LRP12: variants seen among roughly 807,000 people sequenced by gnomAD.
The protein encoded by LRP12 is low-density lipoprotein receptor-related protein 12.
In LRP12, 14 loss-of-function variants were observed where a neutral mutation model predicts 66.0. That is an observed-to-expected ratio of 0.21 (90% CI 0.14 to 0.33). The LOEUF is 0.33. Among genes scored for constraint, LRP12 ranks in the 10% least tolerant of loss-of-function variants. The pLI, the probability that LRP12 is intolerant of heterozygous loss-of-function variation, is 1.00. For missense variants in LRP12, 889 were observed against 1,053.4 expected (o/e 0.84, Z 2.16); for synonymous variants, 357 against 359.1 (o/e 0.99, Z 0.07).
intron 2 of LRP12, among the ~76,000 whole-genome samples, chr8:104,519,893 A>C (rs77204605): frequency 6.6e-6 from 1 of 152,020 alleles, no homozygotes; most frequent in Non-Finnish European, 1.5e-5. Flanking sequence ...TTCTTTAAGG[A>C]CCAAAATATT....
chr8:104,533,557 T>C (rs945975734), intron 1 of LRP12, among the ~76,000 whole-genome samples: 6 of 152,144 alleles, frequency 3.9e-5, no homozygotes, highest in Admixed American at 2.0e-4. Flanking sequence ...CTGGCAAGGT[T>C]TGGGCTTAAA....
chr8:104,523,024 A>G (rs1811174655), intron 2 of LRP12, among the ~76,000 whole-genome samples: 1 of 152,176 alleles, frequency 6.6e-6, no homozygotes, highest in African/African-American at 2.4e-5. Flanking sequence ...GAGTCATTAA[A>G]TTATTTATGA....
intron 2 of LRP12, among the ~76,000 whole-genome samples, chr8:104,526,250 T>A (rs1811236247): frequency 1.3e-5 from 2 of 152,004 alleles, no homozygotes; most frequent in South Asian, 4.2e-4. Flanking sequence ...AAAATGGCCA[T>A]ACTGCCCAAG....
Position 104,490,993 on chromosome 8 carries a change from G to C in LRP12, c.2260C>G (p.Gln754Glu). ...LGRSSSLSQN[Q>E]SPLRQLDNGV... ...TTATCAAGTTGTCTCAAAGGACTCT[G>C]GTTCTGACTTAGGGAACTTGATCGT... Residue 754 changes from glutamine (Q) to glutamate (E), a missense_variant, in exon 7 of 7, where the codon CAG becomes GAG. Physicochemically the swap from Gln to Glu is conservative, Grantham distance 29 (BLOSUM62 2). Coordinates refer to ENST00000276654, the MANE Select transcript of LRP12 (RefSeq NM_013437.5). 2 of 1,614,024 alleles carry C rather than the reference G, an allele frequency of 1.2e-6. No individual in the cohort carries two copies. The highest frequency in any genetic ancestry group is 1.7e-6 in the Non-Finnish European group (2 of 1,180,028).
rs545944225 is a variant in LRP12, at chr8:104,587,731, T to TCAC, written c.79+1085_79+1087dup. On this transcript the variant is annotated intron_variant, in intron 1 of 6. Coordinates refer to ENST00000276654, the MANE Select transcript of LRP12 (RefSeq NM_013437.5). Reference sequence around the variant, plus strand: ...TGACAAATTGGCTGTTGACTAAACCTCACCACCACCACCATTATACTAGTC... The same window carrying TCAC: ...TGACAAATTGGCTGTTGACTAAACCTCACCACCACCACCACCATTATACTAGTC... Among the ~76,000 whole-genome samples, 757 of 152,300 alleles carry TCAC rather than the reference T, an allele frequency of 5.0e-3. 9 individuals are homozygous for TCAC. Among genetic ancestry groups the TCAC allele is most frequent in the African/African-American group, 0.017 (712 of 41,558 alleles).
chr8:104,547,681 T>C (rs1383402385), intron 1 of LRP12, among the ~76,000 whole-genome samples: 3 of 85,934 alleles, frequency 3.5e-5, no homozygotes, highest in Non-Finnish European at 6.1e-5. Context: ...TTATATTTTG[T>C]ATAATATAAA....
intron 1 of LRP12, among the ~76,000 whole-genome samples, chr8:104,562,994 T>C (rs1811937778): frequency 6.6e-6 from 1 of 152,184 alleles, no homozygotes; most frequent in African/African-American, 2.4e-5. Context: ...TTAATCAGCT[T>C]GCTTTTGAGC....
rs763444322 is a variant in LRP12 at position 104,490,878 on chromosome 8, G to A, written c.2375C>T (p.Ser792Phe). 1 of 1,614,092 alleles carries A rather than the reference G, an allele frequency of 6.2e-7. No homozygotes were observed. Among genetic ancestry groups the A allele is most frequent in the African/African-American group, 1.3e-5 (1 of 75,018 alleles). Reference protein sequence around the residue: ...GSSDFDVNDCSRPLLDLASDQ... With the variant: ...GSSDFDVNDCFRPLLDLASDQ... ...TGAGGCAAGATCAAGAAGAGGTCTG[G>A]AGCAGTCATTCACATCAAAGTCTGA... The change falls in exon 7 of 7, where the codon TCC becomes TTC. Residue 792 changes from serine to phenylalanine, a missense_variant. Physicochemically the swap from Ser to Phe is radical, Grantham distance 155. Transcript: ENST00000276654.
intron 2 of LRP12, among the ~76,000 whole-genome samples, chr8:104,515,459 CCTTT>C (rs1811061274): frequency 6.6e-6 from 1 of 152,132 alleles, no homozygotes; most frequent in Admixed American, 6.5e-5. Flanking sequence ...ATAGAAGCTG[CCTTT>C]CTTTATTGCA....
At chr8:104,548,236 T>A (rs1212874094) in intron 1 of LRP12, among the ~76,000 whole-genome samples, 8 of 101,616 alleles carry the variant, frequency 7.9e-5, no homozygotes, top group African/African-American at 9.0e-5. Flanking sequence ...ATATTTATAT[T>A]AATATACGAT....
intron 3 of LRP12, 164 bp downstream of exon 3, chr8:104,508,775 C>G (rs1810945537): frequency 1.8e-6 from 1 of 569,772 alleles, no homozygotes; most frequent in Non-Finnish European, 3.0e-6. Context: ...ACCAGATGGG[C>G]TGTTACTCTT....
chr8:104,568,276 G>C (rs1424602266), intron 1 of LRP12, among the ~76,000 whole-genome samples: 1 of 152,054 alleles, frequency 6.6e-6, no homozygotes, highest in Non-Finnish European at 1.5e-5. Flanking sequence ...AGGTCAAAAT[G>C]GATCAGAAAC....
intron 1 of LRP12, among the ~76,000 whole-genome samples, chr8:104,562,757 T>G (rs144516042): frequency 6.6e-6 from 1 of 152,300 alleles, no homozygotes; most frequent in African/African-American, 2.4e-5. Context: ...AATTAACATT[T>G]AATGTAGAAA....
At chr8:104,512,573 A>G (rs1811014311) in intron 2 of LRP12, among the ~76,000 whole-genome samples, 1 of 152,182 alleles carries the variant, frequency 6.6e-6, no homozygotes, top group South Asian at 2.1e-4. Flanking sequence ...GTTTAACAGC[A>G]GTGACATACA....
chr8:104,508,864 G>T, intron 3 of LRP12, 75 bp downstream of exon 3: 1 of 1,322,298 alleles, frequency 7.6e-7, no homozygotes, highest in Non-Finnish European at 1.0e-6. Flanking sequence ...ATTACTGCAT[G>T]TTAAGTAATA....
rs1256274591 is a variant in LRP12 at position 104,497,361 on chromosome 8, C to A, written c.1191G>T (p.Gly397=). The A allele has an allele frequency of 6.2e-7, 1 of 1,613,908 alleles. No individual in the cohort carries two copies. The highest frequency in any genetic ancestry group is 8.5e-7 in the Non-Finnish European group (1 of 1,179,908). Residue 397 remains glycine (G), a synonymous_variant, in exon 5 of 7, where the codon GGG becomes GGT. Transcript: ENST00000276654. This position sits in a 1 kb window ranked among gnomAD's most constrained non-coding sequence, Gnocchi z 4.3. Reference sequence around the variant, plus strand: ...CCCTTCCATTTGGGCAATGCCAATACCCATCACAACGCTGCTGCTCAGTAT... The same window carrying A: ...CCCTTCCATTTGGGCAATGCCAATAACCATCACAACGCTGCTGCTCAGTAT... ...GCYTEQQRCD[G]YWHCPNGRDE...
At chr8:104,493,654 A>G (rs1369980703) in intron 6 of LRP12, among the ~76,000 whole-genome samples, 6 of 152,316 alleles carry the variant, frequency 3.9e-5, no homozygotes, top group African/African-American at 1.4e-4. Context: ...GGGTCAGTCA[A>G]TCTCTGGATA....
chr8:104,535,879 G>A (rs964720551), intron 1 of LRP12, among the ~76,000 whole-genome samples: 5 of 151,960 alleles, frequency 3.3e-5, no homozygotes, highest in African/African-American at 1.2e-4. Context: ...AAAAGAAATA[G>A]TGCTTAGCTC....
chr8:104,546,883 C>A (rs200806441), intron 1 of LRP12, among the ~76,000 whole-genome samples: 9 of 40,394 alleles, frequency 2.2e-4, no homozygotes, highest in Non-Finnish European at 3.2e-4. Context: ...TATAATTATT[C>A]TTCTTATAAT....
Sources: allele counts gnomAD v4.1 joint callset (sites outside exome capture counted in the v4.1 genomes callset), GRCh38; gene constraint gnomAD v4.1.1; non-coding constraint Gnocchi (gnomAD v3.1); transcripts MANE v1.5; gene names NCBI Gene and HGNC (gene_info 2026-07-23, HGNC 2026-07-21).